The following CATSPERE variants were observed in gnomAD, a reference collection of about 807,000 sequenced individuals.
CATSPERE encodes the protein catsper channel auxiliary subunit epsilon.
In CATSPERE, 93 loss-of-function variants were observed where a neutral mutation model predicts 114.1. The ratio of observed to expected loss-of-function variants is 0.81; its 90% CI spans 0.69 to 0.97. The LOEUF is 0.97. Ranked by LOEUF, CATSPERE falls within the 50% of genes least tolerant of loss-of-function variation. The probability of loss-of-function intolerance (pLI) is 0.00; values close to 1 mark genes in which losing one functional copy is unlikely to be tolerated. For missense variants in CATSPERE, 1,058 were observed against 1,131.6 expected (o/e 0.93, Z 0.93); for synonymous variants, 341 against 384.1 (o/e 0.89, Z 1.31).
rs140180794 is a variant in CATSPERE at position 244,575,709 on chromosome 1, C to T, written c.1950+2937C>T. 9.6e-3 allele frequency among the ~76,000 whole-genome samples: 1,465 copies of T among 152,202 alleles called. 25 individuals are homozygous for T. The highest frequency in any genetic ancestry group is 0.034 in the African/African-American group (1,408 of 41,522). On this transcript the variant is annotated intron_variant, in intron 11 of 21. Transcript: ENST00000366534. This position sits in a 1 kb window ranked among gnomAD's most constrained non-coding sequence, Gnocchi z 4.5. ...TTCCTCTCTGCTGGTCTTTCCCTTG[C>T]CTCTGCCAGCCGCCTACGCTGCTGT...
chr1:244,560,155 A>G (rs1662326337), intron 9 of CATSPERE, among the ~76,000 whole-genome samples: 1 of 151,606 alleles, frequency 6.6e-6, no homozygotes, highest in Non-Finnish European at 1.5e-5. Flanking sequence ...ACCACCCCCA[A>G]CTAGTTTTTA....
At chr1:244,527,568 A>C (rs1159127882) in intron 8 of CATSPERE, among the ~76,000 whole-genome samples, 1 of 152,178 alleles carries the variant, frequency 6.6e-6, no homozygotes, top group Non-Finnish European at 1.5e-5. Flanking sequence ...GTCCCGAGGC[A>C]ACATACATCC....
At chr1:244,513,481 G>A (rs1455351746) in intron 7 of CATSPERE, among the ~76,000 whole-genome samples, 2 of 152,156 alleles carry the variant, frequency 1.3e-5, no homozygotes, top group African/African-American at 2.4e-5. Flanking sequence ...CAATCTCCAG[G>A]TCCCTGGACA....
intron 2 of CATSPERE, among the ~76,000 whole-genome samples, chr1:244,477,125 A>G (rs1007902876): frequency 6.6e-6 from 1 of 152,080 alleles, no homozygotes; most frequent in Non-Finnish European, 1.5e-5. Context: ...CCTCCTGAGT[A>G]GCAGGGATTA....
intron 5 of CATSPERE, among the ~76,000 whole-genome samples, chr1:244,489,602 G>A (rs1161231032): frequency 6.6e-6 from 1 of 151,578 alleles, no homozygotes; most frequent in East Asian, 1.9e-4. Context: ...AGGCGGCATG[G>A]AAACTATGTG....
Position 244,584,113 on chromosome 1 carries a change from A to G in CATSPERE, c.2085+174A>G, listed in dbSNP as rs113787925. Reference sequence around the variant, plus strand: ...CAAGTTCCATATTTATTCTGCACTTATTTCTTCAAAACAATCGTTTATTCA... The same window carrying G: ...CAAGTTCCATATTTATTCTGCACTTGTTTCTTCAAAACAATCGTTTATTCA... On this transcript the variant is annotated intron_variant, in intron 13 of 21. Transcript: ENST00000366534. 1.3e-3 allele frequency among the ~76,000 whole-genome samples: 204 copies of G among 152,278 alleles called. 2 individuals carry two copies. The highest frequency in any genetic ancestry group is 4.7e-3 in the African/African-American group (194 of 41,544).
chr1:244,540,132 A>C (rs1169885782), intron 8 of CATSPERE, among the ~76,000 whole-genome samples: 1 of 151,252 alleles, frequency 6.6e-6, no homozygotes, highest in Non-Finnish European at 1.5e-5. Context: ...ACTCCTATTC[A>C]ACATAGTGTT....
At chr1:244,608,889 G>A (rs1292554730) in intron 18 of CATSPERE, among the ~76,000 whole-genome samples, 1 of 152,020 alleles carries the variant, frequency 6.6e-6, no homozygotes, top group Non-Finnish European at 1.5e-5. Flanking sequence ...GCCTGTGTCT[G>A]AGTTGCTCAA....
intron 20 of CATSPERE, among the ~76,000 whole-genome samples, chr1:244,622,657 C>A (rs1239380843): frequency 1.3e-5 from 2 of 152,144 alleles, no homozygotes; most frequent in African/African-American, 2.4e-5. Context: ...TCTTAGCAAT[C>A]TCTATCTGTA....
At position 244,607,029 on chromosome 1, in the gene CATSPERE, A is replaced by G. The variant is rs1281412682; in HGVS notation, c.2403+1235A>G. 6.6e-6 allele frequency among the ~76,000 whole-genome samples: 1 copy of G among 152,146 alleles called. No homozygotes were observed. The highest frequency in any genetic ancestry group is 2.4e-5 in the African/African-American group (1 of 41,430). On this transcript the variant is annotated intron_variant, in intron 18 of 21. Coordinates refer to ENST00000366534, the MANE Select transcript of CATSPERE (RefSeq NM_001130957.2). The surrounding 1 kb of genome is among the most constrained non-coding windows in gnomAD (Gnocchi z 4.4). ...CACAGTCTCATCCCTATACTATTGT[A>G]TCCATCTTCTCCCTTGGTCCAGACT...
At chr1:244,523,053 A>G (rs1248159557) in intron 8 of CATSPERE, among the ~76,000 whole-genome samples, 2 of 148,478 alleles carry the variant, frequency 1.3e-5, no homozygotes, top group East Asian at 1.9e-4. Flanking sequence ...TTTTAGACCA[A>G]TATCCTTGAT....
chr1:244,524,553 C>T (rs368702021), intron 8 of CATSPERE, among the ~76,000 whole-genome samples: 17,898 of 151,228 alleles, frequency 0.12, 1,770 homozygotes, highest in African/African-American at 0.27. Context: ...GAACAGGCCA[C>T]CTACAAAATG....
chr1:244,468,656 T>C (rs1313439483), intron 2 of CATSPERE, among the ~76,000 whole-genome samples: 3 of 151,960 alleles, frequency 2.0e-5, no homozygotes, highest in African/African-American at 2.4e-5. Flanking sequence ...TTGTGGCTTA[T>C]GCCTGTAATC....
At chr1:244,637,656 A>G (rs565511274) in intron 21 of CATSPERE, among the ~76,000 whole-genome samples, 1 of 152,046 alleles carries the variant, frequency 6.6e-6, no homozygotes, top group East Asian at 1.9e-4. Context: ...TATTTCAACA[A>G]CACTTACCAG....
intron 2 of CATSPERE, among the ~76,000 whole-genome samples, chr1:244,471,463 G>A (rs558492914): frequency 1.2e-4 from 18 of 152,166 alleles, no homozygotes; most frequent in East Asian, 5.8e-4. Context: ...ATACAGTTGC[G>A]TTATCACCGT....
At chr1:244,567,822 C>T (rs1196021589) in intron 10 of CATSPERE, among the ~76,000 whole-genome samples, 1 of 151,916 alleles carries the variant, frequency 6.6e-6, no homozygotes, top group African/African-American at 2.4e-5. Context: ...TTATTACTCC[C>T]CTCTGAAGCC....
At chr1:244,481,205 T>C (rs1670214076) in intron 5 of CATSPERE, among the ~76,000 whole-genome samples, 4 of 152,018 alleles carry the variant, frequency 2.6e-5, no homozygotes, top group Admixed American at 1.3e-4. Flanking sequence ...AATCCCAGCA[T>C]TTTGGGAGGC....
chr1:244,569,243 C>T (rs1192847848), intron 10 of CATSPERE, among the ~76,000 whole-genome samples: 2 of 152,244 alleles, frequency 1.3e-5, no homozygotes, highest in Non-Finnish European at 2.9e-5. Flanking sequence ...CACCCTGCTT[C>T]AGCTCGTCTT....
chr1:244,621,828 C>G (rs1321428712), intron 20 of CATSPERE, among the ~76,000 whole-genome samples: 1 of 152,078 alleles, frequency 6.6e-6, no homozygotes, highest in Non-Finnish European at 1.5e-5. Context: ...ACTAAAAACT[C>G]AATACACAGA....
Sources: allele counts gnomAD v4.1 joint callset (sites outside exome capture counted in the v4.1 genomes callset), GRCh38; gene constraint gnomAD v4.1.1; non-coding constraint Gnocchi (gnomAD v3.1); transcripts MANE v1.5; gene names NCBI Gene and HGNC (gene_info 2026-07-23, HGNC 2026-07-21).